Variants in TMEM272 observed in about 807,000 individuals in gnomAD.
TMEM272 encodes transmembrane protein 272, also known as long intergenic non-protein coding RNA 282.
Under a neutral mutation model 3.7 loss-of-function variants are expected in TMEM272, and 8 were observed. The ratio of observed to expected loss-of-function variants is 2.17; its 90% CI spans 1.27 to 3.91. The LOEUF (loss-of-function observed/expected upper bound fraction) is 3.91. Ranked by LOEUF, TMEM272 falls within the 30% of genes most tolerant of loss-of-function variation. The pLI is 0.00. For synonymous variants in TMEM272, 63 were observed against 39.8 expected, an observed-to-expected ratio of 1.58 and a Z score of -2.20; for missense variants, 166 against 91.5, an observed-to-expected ratio of 1.81 and a Z score of -3.32.
At chr13:51,920,823 C>G in the TMEM272 span, among the ~76,000 whole-genome samples, 10 of 152,188 alleles carry the variant, frequency 6.6e-5, no homozygotes, top group Non-Finnish European at 1.0e-4. Context: ...TGAATCGTTT[C>G]TTGGCTGTAG....
chr13:51,850,830 A>G, the TMEM272 span, among the ~76,000 whole-genome samples: 1 of 152,190 alleles, frequency 6.6e-6, no homozygotes, highest in Non-Finnish European at 1.5e-5. Context: ...TTTGTCATAC[A>G]ATAGAAAGAA....
At chr13:51,833,440 G>A (rs1000738794) in intron 2 of TMEM272, among the ~76,000 whole-genome samples, 9 of 152,138 alleles carry the variant, frequency 5.9e-5, no homozygotes, top group South Asian at 4.2e-4. Flanking sequence ...GGTGGCTCTC[G>A]GAGTGAAGAG....
At chr13:51,920,242 T>C in the TMEM272 span, among the ~76,000 whole-genome samples, 1 of 152,158 alleles carries the variant, frequency 6.6e-6, no homozygotes, top group African/African-American at 2.4e-5. Context: ...AGTTATAGAA[T>C]ATTTGGTGTC....
chr13:51,885,924 G>T, the TMEM272 span, among the ~76,000 whole-genome samples: 1 of 152,252 alleles, frequency 6.6e-6, no homozygotes, highest in South Asian at 2.1e-4. Flanking sequence ...AAAATATAGC[G>T]AGGGCCATAT....
At chr13:51,873,507 G>C in the TMEM272 span, among the ~76,000 whole-genome samples, 4 of 152,162 alleles carry the variant, frequency 2.6e-5, no homozygotes, top group Non-Finnish European at 4.4e-5. Context: ...AATGTTTCTT[G>C]AATTTCATCA....
At chr13:51,865,664 G>A in the TMEM272 span, 2 of 1,614,224 alleles carry the variant, frequency 1.2e-6, no homozygotes, top group Non-Finnish European at 1.7e-6. Context: ...TTTCTGGGAA[G>A]AGGAGAAAAC....
the TMEM272 span, among the ~76,000 whole-genome samples, chr13:51,928,556 G>A: frequency 1.3e-5 from 2 of 152,182 alleles, no homozygotes; most frequent in East Asian, 1.9e-4. Context: ...TGTTGAGATC[G>A]CCTGTGACCA....
the TMEM272 span, among the ~76,000 whole-genome samples, chr13:51,853,083 G>A: frequency 1.1e-3 from 160 of 151,908 alleles, no homozygotes; most frequent in African/African-American, 3.3e-3. Flanking sequence ...GTGTTCTTAC[G>A]ATAAAGTAAG....
chr13:51,871,294 C>A, the TMEM272 span, among the ~76,000 whole-genome samples: 1 of 151,832 alleles, frequency 6.6e-6, no homozygotes, highest in Non-Finnish European at 1.5e-5. Context: ...GAGTTCACAC[C>A]ATTCTCCTGC....
chr13:51,910,749 C>T, the TMEM272 span: 12 of 362,786 alleles, frequency 3.3e-5, 1 homozygote, highest in South Asian at 1.2e-4. Context: ...CGGACCACTG[C>T]GGAGTCAGCT....
the TMEM272 span, among the ~76,000 whole-genome samples, chr13:51,913,265 C>T: frequency 2.0e-5 from 3 of 152,188 alleles, no homozygotes; most frequent in African/African-American, 7.2e-5. Flanking sequence ...TACTGAGATA[C>T]ACTGAATTTT....
Position 51,824,288 on chromosome 13 carries a change from T to C in TMEM272, c.119-2151A>G, listed in dbSNP as rs552494050. Among the ~76,000 whole-genome samples the C allele has an allele frequency of 3.3e-5, 5 of 152,360 alleles. No individual in the cohort carries two copies. In the South Asian group the frequency reaches 1.0e-3, roughly 32 times the overall value. ...ATCTGCAGTATCACGATTATTCTTT[T>C]TGGTTTTAGATCTCTCCCTAGTTCA... On this transcript the variant is annotated intron_variant, in intron 3 of 4. Coordinates refer to ENST00000629372, the MANE Select transcript of TMEM272 (RefSeq NM_001351003.2).
the TMEM272 span, among the ~76,000 whole-genome samples, chr13:51,906,191 T>A: frequency 6.6e-6 from 1 of 152,188 alleles, no homozygotes; most frequent in Non-Finnish European, 1.5e-5. Context: ...AAGGTTAACT[T>A]AGCCCGCTAA....
intron 3 of TMEM272, 57 bp from the exon 4 acceptor site, chr13:51,822,194 A>C (rs1209315360): frequency 6.2e-6 from 4 of 645,572 alleles, no homozygotes; most frequent in Non-Finnish European, 1.1e-5. Context: ...CACAAAGCCC[A>C]GTTTTGAAAA....
At chr13:51,890,978 G>C in the TMEM272 span, among the ~76,000 whole-genome samples, 1 of 152,204 alleles carries the variant, frequency 6.6e-6, no homozygotes, top group African/African-American at 2.4e-5. Context: ...TTGTACACAA[G>C]TCTGTTTGGG....
chr13:51,851,337 C>T, the TMEM272 span, among the ~76,000 whole-genome samples: 5 of 149,074 alleles, frequency 3.4e-5, no homozygotes, highest in South Asian at 6.3e-4. Context: ...TTGCCTCCTC[C>T]GTAACCAAAA....
At chr13:51,894,170 G>A in the TMEM272 span, among the ~76,000 whole-genome samples, 1 of 152,226 alleles carries the variant, frequency 6.6e-6, no homozygotes, top group Non-Finnish European at 1.5e-5. Context: ...TCATCAAGGA[G>A]GGAGTGGGAT....
chr13:51,908,912 T>G, the TMEM272 span: 2 of 1,402,002 alleles, frequency 1.4e-6, no homozygotes, highest in Non-Finnish European at 2.0e-6. Flanking sequence ...ATTCTCCTCT[T>G]TCCTTGGTAA....
chr13:51,923,297 A>G, the TMEM272 span, among the ~76,000 whole-genome samples: 1 of 152,182 alleles, frequency 6.6e-6, no homozygotes, highest in Non-Finnish European at 1.5e-5. Flanking sequence ...TCTCTGCCCC[A>G]TCGCCTGTGA....
Sources: gnomAD v4.1 joint callset for allele counts (sites outside exome capture counted in the v4.1 genomes callset) on GRCh38, gnomAD v4.1.1 for gene constraint, MANE v1.5 for transcripts, NCBI Gene and HGNC (gene_info 2026-07-23, HGNC 2026-07-21) for gene names.